Variants in MSRA observed in about 807,000 individuals in gnomAD.
The protein encoded by MSRA is mitochondrial peptide methionine sulfoxide reductase.
In MSRA, 54 loss-of-function variants were observed where a neutral mutation model predicts 31.3. That is an observed-to-expected ratio of 1.73 (90% CI 1.39 to 2.17). The LOEUF (loss-of-function observed/expected upper bound fraction) is 2.17. Ranked by LOEUF, MSRA falls within the 30% of genes most tolerant of loss-of-function variation. The pLI is 0.00. For synonymous variants in MSRA, 169 were observed against 116.5 expected (o/e 1.45, Z -2.90); for missense variants, 507 against 300.9 (o/e 1.69, Z -5.07).
intron 1 of MSRA, among the ~76,000 whole-genome samples, chr8:10,073,933 C>A (rs1362078757): frequency 1.3e-5 from 2 of 151,904 alleles, no homozygotes; most frequent in East Asian, 3.9e-4. Context: ...GCTGTGTTTC[C>A]TTATGATGGA....
intron 5 of MSRA, among the ~76,000 whole-genome samples, chr8:10,377,953 C>T (rs770048185): frequency 2.6e-4 from 40 of 152,224 alleles, no homozygotes; most frequent in Non-Finnish European, 7.4e-5. Flanking sequence ...TGGCAGCAGG[C>T]GTGTGACTCC....
chr8:10,179,260 G>T (rs1312252192), intron 1 of MSRA, among the ~76,000 whole-genome samples: 1 of 152,084 alleles, frequency 6.6e-6, no homozygotes, highest in Non-Finnish European at 1.5e-5. Flanking sequence ...TGAAGAAGCT[G>T]GAAATACTTG....
At chr8:10,369,738 A>G (rs538827075) in intron 5 of MSRA, among the ~76,000 whole-genome samples, 1 of 152,380 alleles carries the variant, frequency 6.6e-6, no homozygotes, top group Admixed American at 6.5e-5. Flanking sequence ...CATTGATAGC[A>G]TAAGAATTTA....
chr8:10,216,057 C>T (rs1809959739), intron 2 of MSRA, among the ~76,000 whole-genome samples: 1 of 152,138 alleles, frequency 6.6e-6, no homozygotes, highest in Non-Finnish European at 1.5e-5. Flanking sequence ...TAAATTTAAC[C>T]CAACTAGCAT....
intron 3 of MSRA, among the ~76,000 whole-genome samples, chr8:10,251,876 A>G (rs142462164): frequency 1.3e-5 from 2 of 149,586 alleles, no homozygotes; most frequent in South Asian, 4.2e-4. Context: ...GGGGGGGGAC[A>G]TAGGTCATGG....
intron 4 of MSRA, among the ~76,000 whole-genome samples, chr8:10,306,971 C>A (rs1285404539): frequency 6.6e-6 from 1 of 152,126 alleles, no homozygotes; most frequent in African/African-American, 2.4e-5. Context: ...TTAAATCTGA[C>A]CATAACCCTG....
rs543205836 is a variant in MSRA, at chr8:10,172,591, A to G, written c.143-35242A>G. 2.0e-5 allele frequency among the ~76,000 whole-genome samples: 3 copies of G among 152,278 alleles called. No homozygotes were observed. The South Asian group carries it at 6.2e-4, about 32-fold the overall frequency. On this transcript the variant is annotated intron_variant, in intron 1 of 5. Coordinates refer to ENST00000317173, the MANE Select transcript of MSRA (RefSeq NM_012331.5). ...AATATTTGACCTAAAAATAAAAGATAGACTTAGAACTCAGTCTTAAGGGGG... is the reference window on the plus strand; with the variant it reads ...AATATTTGACCTAAAAATAAAAGATGGACTTAGAACTCAGTCTTAAGGGGG...
At chr8:10,328,178 T>C (rs1802486315) in intron 5 of MSRA, among the ~76,000 whole-genome samples, 1 of 151,702 alleles carries the variant, frequency 6.6e-6, no homozygotes, top group South Asian at 2.1e-4. Context: ...CGTAATGCTT[T>C]CTAAAATGAA....
intron 1 of MSRA, chr8:10,095,751 CTT>C (rs1799111433): frequency 8.8e-7 from 1 of 1,136,356 alleles, no homozygotes; most frequent in South Asian, 4.4e-5. Flanking sequence ...TTTTAAGTCT[CTT>C]GGGCTATTTG....
intron 1 of MSRA, among the ~76,000 whole-genome samples, chr8:10,154,058 A>G (rs552237947): frequency 6.6e-6 from 1 of 152,376 alleles, no homozygotes; most frequent in East Asian, 1.9e-4. Flanking sequence ...CATCATAGAT[A>G]GCAGTGGAGA....
At chr8:10,419,597 C>T (rs1808688765) in intron 5 of MSRA, among the ~76,000 whole-genome samples, 1 of 152,206 alleles carries the variant, frequency 6.6e-6, no homozygotes, top group Non-Finnish European at 1.5e-5. Flanking sequence ...CTCCTCCTGA[C>T]ATCCATTAGA....
At chr8:10,298,061 C>T (rs1027918055) in intron 3 of MSRA, among the ~76,000 whole-genome samples, 6 of 152,136 alleles carry the variant, frequency 3.9e-5, no homozygotes, top group Admixed American at 6.5e-5. Flanking sequence ...ATGACTGAAT[C>T]CTCTTACGTC....
At chr8:10,322,173 A>G (rs1046591329) in intron 5 of MSRA, among the ~76,000 whole-genome samples, 1 of 152,146 alleles carries the variant, frequency 6.6e-6, no homozygotes, top group African/African-American at 2.4e-5. Flanking sequence ...AGAAAGCCAT[A>G]TGTTCTATTT....
chr8:10,383,988 G>C (rs568378102), intron 5 of MSRA, among the ~76,000 whole-genome samples: 1 of 152,126 alleles, frequency 6.6e-6, no homozygotes, highest in Non-Finnish European at 1.5e-5. Context: ...CCACATTCAC[G>C]TTCTGATGCC....
chr8:10,241,873 C>G (rs1285959962), intron 2 of MSRA, among the ~76,000 whole-genome samples: 2 of 152,224 alleles, frequency 1.3e-5, no homozygotes, highest in African/African-American at 4.8e-5. Context: ...CATGAGAACA[C>G]AGTCCTCAGA....
At chr8:10,169,404 C>T (rs1424001262) in intron 1 of MSRA, among the ~76,000 whole-genome samples, 3 of 152,196 alleles carry the variant, frequency 2.0e-5, no homozygotes, top group Admixed American at 2.0e-4. Context: ...GTGTTACTGC[C>T]ACTTTCATTT....
rs530275485 is a variant in MSRA at position 10,103,991 on chromosome 8, G to T, written c.142+49333G>T. Among the ~76,000 whole-genome samples the T allele has an allele frequency of 1.5e-3, 228 of 152,208 alleles. 1 individual carries two copies. Among genetic ancestry groups the T allele is most frequent in the African/African-American group, 5.1e-3 (210 of 41,534 alleles). On this transcript the variant is annotated intron_variant, in intron 1 of 5. Coordinates refer to ENST00000317173, the MANE Select transcript of MSRA (RefSeq NM_012331.5). ...TATATTTTACATGTTTAAAAACTTTGATAAAATATTTTAAACTGTTGCTAT... is the reference window on the plus strand; with the variant it reads ...TATATTTTACATGTTTAAAAACTTTTATAAAATATTTTAAACTGTTGCTAT...
rs748746145 is a variant in MSRA, at chr8:10,428,645, A to G, written c.*333A>G. On this transcript the variant is annotated 3_prime_UTR_variant, in exon 6 of 6. Coordinates refer to ENST00000317173, the MANE Select transcript of MSRA (RefSeq NM_012331.5). ...GTTGCTGGACAGGATGGGGGACCCC[A>G]GAAGTCCTTTATCTGTGCTCTCTGC... 2 of 305,152 alleles carry G rather than the reference A, an allele frequency of 6.6e-6. No individual in the cohort carries two copies. Among genetic ancestry groups the G allele is most frequent in the Non-Finnish European group, 6.1e-6 (1 of 164,758 alleles). 18.9% of individuals were successfully genotyped at this position (305,152 alleles called of 1,614,324 possible). A position where few individuals can be genotyped will look rare whatever the true frequency, so the allele number is the denominator to read the frequency against.
intron 5 of MSRA, among the ~76,000 whole-genome samples, chr8:10,404,047 T>C (rs1283401732): frequency 6.6e-6 from 1 of 152,248 alleles, no homozygotes; most frequent in Admixed American, 6.5e-5. Context: ...TGTCATTATA[T>C]ATCATATTAA....
Sources: gnomAD v4.1 joint callset for allele counts (sites outside exome capture counted in the v4.1 genomes callset) on GRCh38, gnomAD v4.1.1 for gene constraint, MANE v1.5 for transcripts, NCBI Gene and HGNC (gene_info 2026-07-23, HGNC 2026-07-21) for gene names.